Variants in KIFC1 observed in about 807,000 individuals in gnomAD.
KIFC1 encodes the protein kinesin-like protein KIFC1.
A neutral mutation model predicts 66.6 loss-of-function variants in KIFC1; 37 were observed. The ratio of observed to expected loss-of-function variants is 0.56; its 90% CI spans 0.43 to 0.73. KIFC1 has a LOEUF of 0.73. Ranked by LOEUF, KIFC1 falls within the 30% of genes least tolerant of loss-of-function variation. The pLI is 0.00. For missense variants in KIFC1, 721 were observed against 859.8 expected, an observed-to-expected ratio of 0.84 and a Z score of 2.02; for synonymous variants, 325 against 343.5, an observed-to-expected ratio of 0.95 and a Z score of 0.60.
Position 33,406,818 on chromosome 6 carries a change from T to C in KIFC1, c.1920T>C (p.Ile640=). The C allele has an allele frequency of 6.2e-7, 1 of 1,614,102 alleles. No homozygotes were observed. The highest frequency in any genetic ancestry group is 1.1e-5 in the South Asian group (1 of 91,076). The change falls in exon 10 of 11, where the codon ATT becomes ATC. Residue 640 remains isoleucine (I), a synonymous_variant. Coordinates refer to ENST00000428849, the MANE Select transcript of KIFC1 (RefSeq NM_002263.4). The surrounding 1 kb of genome is among the most constrained non-coding windows in gnomAD (Gnocchi z 4.5). ...GSAKMLMFVN[I]SPLEENVSES... is the part of the protein sequence containing the mutation. ...TTCATAGGCTCATGTTTGTGAACAT[T>C]TCTCCACTGGAAGAGAACGTCTCCG...
rs750905201 is a variant in KIFC1, at chr6:33,403,867, A to G, written c.494A>G (p.Gln165Arg). The G allele has an allele frequency of 4.3e-6, 7 of 1,614,290 alleles. No individual in the cohort carries two copies. The highest frequency in any genetic ancestry group is 5.9e-6 in the Non-Finnish European group (7 of 1,180,050). Residue 165 changes from glutamine (Q) to arginine (R), a missense_variant, in exon 6 of 11, where the codon CAG (glutamine) becomes CGG (arginine). Transcript: ENST00000428849. The surrounding 1 kb of genome is among the most constrained non-coding windows in gnomAD (Gnocchi z 4.6). ...ACTCAAACGTTGGACCAAGAGAACC[A>G]GCAGCTTCAGGACCAGCTCAGAGAT... ...ERTQTLDQEN[Q>R]QLQDQLRDAQ...
chr6:33,396,001 G>A (rs890232517), intron 1 of KIFC1, among the ~76,000 whole-genome samples: 1 of 152,124 alleles, frequency 6.6e-6, no homozygotes, highest in Non-Finnish European at 1.5e-5. Context: ...GTCCTACCAT[G>A]TAGCAGACAT....
chr6:33,392,679 G>T (rs1057441358), intron 1 of KIFC1, among the ~76,000 whole-genome samples: 1 of 21,242 alleles, frequency 4.7e-5, no homozygotes, highest in African/African-American at 4.1e-4. Flanking sequence ...TCTGGTGCCA[G>T]GAAAGGTCTG....
In KIFC1 at chr6:33,392,507, TTCTC is replaced by T. The variant is rs756806010; in HGVS notation, c.12+517_12+520del. Among the ~76,000 whole-genome samples, 11 of 152,304 alleles carry T rather than the reference TTCTC, an allele frequency of 7.2e-5. No homozygotes were observed. The East Asian group carries it at 1.9e-3, about 27-fold the overall frequency. On this transcript the variant is annotated intron_variant, in intron 1 of 10. Transcript: ENST00000428849. ...GTAATCTGGGCCAAAAGACTTCTCA[TTCTC>T]TCTCTCCTTTCCCAAATTGTGCAGA...
rs776079989 is a variant in KIFC1, at chr6:33,403,277, A to T, written c.251-37A>T. 12 of 1,585,858 alleles carry T rather than the reference A, an allele frequency of 7.6e-6. No homozygotes were observed. Among genetic ancestry groups the T allele is most frequent in the African/African-American group, 1.3e-5 (1 of 74,250 alleles). On this transcript the variant is annotated intron_variant, in intron 3 of 10. Transcript: ENST00000428849. The surrounding 1 kb of genome is among the most constrained non-coding windows in gnomAD (Gnocchi z 4.6). The stretch of plus-strand genomic sequence containing the variant: ...AAGTGTACATGCCATCTTAAGAATG[A>T]TCATTCTACCTTTGCTCTCTCCCAT...
chr6:33,393,143 C>G (rs765808392), intron 1 of KIFC1, among the ~76,000 whole-genome samples: 1 of 151,940 alleles, frequency 6.6e-6, no homozygotes, highest in Non-Finnish European at 1.5e-5. Context: ...GTGAGGGAGA[C>G]AGACAAGCAG....
chr6:33,409,525 T>G, intron 10 of KIFC1, 121 bp from the exon 11 acceptor site: 5 of 970,198 alleles, frequency 5.2e-6, no homozygotes, highest in Non-Finnish European at 8.4e-6. Context: ...GAACCAGCCT[T>G]TGGAGGCCTT....
chr6:33,393,801 C>T (rs1267611304), intron 1 of KIFC1, among the ~76,000 whole-genome samples: 1 of 143,986 alleles, frequency 6.9e-6, no homozygotes, highest in African/African-American at 2.6e-5. Context: ...GCCTGGAGTG[C>T]AGTGGCGCGG....
At position 33,398,032 on chromosome 6, in the gene KIFC1, T is replaced by TC. The variant is rs763606695; in HGVS notation, c.22dup (p.Leu8ProfsTer16). 2 of 1,613,370 alleles carry TC rather than the reference T, an allele frequency of 1.2e-6. No homozygotes were observed. Among genetic ancestry groups the TC allele is most frequent in the Non-Finnish European group, 1.7e-6 (2 of 1,179,846 alleles). ...TAAGGGTCTCTTTTCCCAACAGAGG[T>TC]CCCCCCTATTGGAAGTAAAGGGGAA... On this transcript the variant is annotated frameshift_variant, in exon 2 of 11. Transcript: ENST00000428849. LOFTEE classifies it high-confidence loss of function.
intron 1 of KIFC1, among the ~76,000 whole-genome samples, chr6:33,395,600 A>T (rs567531954): frequency 6.6e-6 from 1 of 152,318 alleles, no homozygotes; most frequent in South Asian, 2.1e-4. Flanking sequence ...GCTTTATATT[A>T]ATAGATGGGA....
At position 33,406,470 on chromosome 6, in the gene KIFC1, T is replaced by C. The variant is rs1205909537; in HGVS notation, c.1811T>C (p.Met604Thr). 1 of 1,598,514 alleles carries C rather than the reference T, an allele frequency of 6.3e-7. No individual in the cohort carries two copies. The highest frequency in any genetic ancestry group is 1.7e-5 in the Admixed American group (1 of 59,310). ...SSLSTLGLVI[M>T]ALSNKESHVP... is the part of the protein sequence containing the mutation. Reference sequence around the variant, plus strand: ...CTGTCCACGCTGGGGCTGGTTATCATGGCCCTGAGCAACAAGGTGGGAATG... The same window carrying C: ...CTGTCCACGCTGGGGCTGGTTATCACGGCCCTGAGCAACAAGGTGGGAATG... The change falls in exon 8 of 11, where the codon ATG becomes ACG. Residue 604 changes from methionine to threonine, a missense_variant. Coordinates refer to ENST00000428849, the MANE Select transcript of KIFC1 (RefSeq NM_002263.4). The surrounding 1 kb of genome is among the most constrained non-coding windows in gnomAD (Gnocchi z 4.5).
chr6:33,406,592 G>C lies in KIFC1; in HGVS notation c.1828G>C (p.Glu610Gln), dbSNP rs746763528. 1 of 1,613,986 alleles carries C rather than the reference G, an allele frequency of 6.2e-7. No homozygotes were observed. The highest frequency in any genetic ancestry group is 8.5e-7 in the Non-Finnish European group (1 of 1,180,014). Residue 610 changes from glutamate (E) to glutamine (Q), a missense_variant and splice_region_variant, in exon 9 of 11, where the codon GAG becomes CAG. Coordinates refer to ENST00000428849, the MANE Select transcript of KIFC1 (RefSeq NM_002263.4). The surrounding 1 kb of genome is among the most constrained non-coding windows in gnomAD (Gnocchi z 4.5). ...ATCTGTCCCCACCTCAATCATCTAGGAGTCCCACGTGCCTTACCGGAACAG... is the reference window on the plus strand; with the variant it reads ...ATCTGTCCCCACCTCAATCATCTAGCAGTCCCACGTGCCTTACCGGAACAG... ...GLVIMALSNK[E>Q]SHVPYRNSKL... is the part of the protein sequence containing the mutation.
rs761890906 is a variant in KIFC1 at position 33,401,895 on chromosome 6, C to T, written c.251-1419C>T. ...TTTGTTTTTGTATTTTTAGGAGAGACGGGGTTTCACCGTGTTAGCCAGGAT... is the reference window on the plus strand; with the variant it reads ...TTTGTTTTTGTATTTTTAGGAGAGATGGGGTTTCACCGTGTTAGCCAGGAT... On this transcript the variant is annotated intron_variant, in intron 3 of 10. Coordinates refer to ENST00000428849, the MANE Select transcript of KIFC1 (RefSeq NM_002263.4). This position sits in a 1 kb window ranked among gnomAD's most constrained non-coding sequence, Gnocchi z 4.5. 3.3e-5 allele frequency among the ~76,000 whole-genome samples: 5 copies of T among 151,716 alleles called. No individual in the cohort carries two copies. The highest frequency in any genetic ancestry group is 7.4e-5 in the Non-Finnish European group (5 of 67,914).
rs1384077362 is a variant in KIFC1, at chr6:33,405,512, C to T, written c.1417C>T (p.Leu473=). 51 of 1,612,404 alleles carry T rather than the reference C, an allele frequency of 3.2e-5. No homozygotes were observed. The highest frequency in any genetic ancestry group is 4.0e-5 in the Non-Finnish European group (47 of 1,179,288). The change falls in exon 7 of 11, where the codon CTG becomes TTG. Residue 473 remains leucine (L), a synonymous_variant. Transcript: ENST00000428849. The surrounding 1 kb of genome is among the most constrained non-coding windows in gnomAD (Gnocchi z 5.4). ...EIYNETVRDL[L]ATGTRKGQGG... is the part of the protein sequence containing the mutation. Reference sequence around the variant, plus strand: ...CTACAATGAGACTGTCCGGGACCTGCTGGCCACTGGAACCCGGAAGGGTCA... The same window carrying T: ...CTACAATGAGACTGTCCGGGACCTGTTGGCCACTGGAACCCGGAAGGGTCA...
rs551476969 is a variant in KIFC1 at position 33,404,088 on chromosome 6, G to C, written c.715G>C (p.Glu239Gln). 6.2e-7 allele frequency: 1 copy of C among 1,613,984 alleles called. No homozygotes were observed. Among genetic ancestry groups the C allele is most frequent in the South Asian group, 1.1e-5 (1 of 91,054 alleles). The change falls in exon 6 of 11, where the codon GAA becomes CAA. Residue 239 changes from glutamate to glutamine, a missense_variant. Coordinates refer to ENST00000428849, the MANE Select transcript of KIFC1 (RefSeq NM_002263.4). The surrounding 1 kb of genome is among the most constrained non-coding windows in gnomAD (Gnocchi z 4.0). ...TCAGAAAAAACAGGTGGAATTGCAG[G>C]AAGAACGGAGGGGACTGATGTCCCA... is the stretch of plus-strand genomic sequence containing the variant. ...ELQKKQVELQ[E>Q]ERRGLMSQLE...
rs764319313 is a variant in KIFC1 at position 33,406,513 on chromosome 6, G to A, written c.1827+27G>A. On this transcript the variant is annotated intron_variant, in intron 8 of 10. Transcript: ENST00000428849. This position sits in a 1 kb window ranked among gnomAD's most constrained non-coding sequence, Gnocchi z 4.5. ...TGGGAATGGGAGTGGGGTGAGATAC[G>A]GGACCTGGGGGACAGTTGGGGTTGG... 1.6e-5 allele frequency: 25 copies of A among 1,607,296 alleles called. No homozygotes were observed. Among genetic ancestry groups the A allele is most frequent in the East Asian group, 4.5e-5 (2 of 44,832 alleles).
intron 10 of KIFC1, among the ~76,000 whole-genome samples, chr6:33,408,612 G>A (rs950031211): frequency 1.3e-5 from 2 of 152,198 alleles, no homozygotes; most frequent in African/African-American, 4.8e-5. Flanking sequence ...GGAAAAACAA[G>A]ATAAATGCTG....
At chr6:33,394,470 A>G (rs943157417) in intron 1 of KIFC1, among the ~76,000 whole-genome samples, 5 of 152,122 alleles carry the variant, frequency 3.3e-5, no homozygotes, top group Non-Finnish European at 7.4e-5. Flanking sequence ...GAGGTCAGTT[A>G]TTAGACTTCC....
rs1324491313 is a variant in KIFC1, at chr6:33,405,336, G to A, written c.1241G>A (p.Ser414Asn). The change falls in exon 7 of 11, where the codon AGT becomes AAT. Residue 414 changes from serine (S) to asparagine (N), a missense_variant. Transcript: ENST00000428849. The surrounding 1 kb of genome is among the most constrained non-coding windows in gnomAD (Gnocchi z 5.4). ...ATCTTTGCCTATGGCCAGACAGGCA[G>A]TGGCAAGACCTTCACAATGGAGGGT... ...VCIFAYGQTG[S>N]GKTFTMEGGP... 4 of 1,613,858 alleles carry A rather than the reference G, an allele frequency of 2.5e-6. No individual in the cohort carries two copies. The highest frequency in any genetic ancestry group is 1.1e-5 in the South Asian group (1 of 91,088).
Sources: allele counts gnomAD v4.1 joint callset (sites outside exome capture counted in the v4.1 genomes callset), GRCh38; gene constraint gnomAD v4.1.1; non-coding constraint Gnocchi (gnomAD v3.1); transcripts MANE v1.5; gene names NCBI Gene and HGNC (gene_info 2026-07-23, HGNC 2026-07-21).